Variants in ADGRG4 observed in about 807,000 individuals in gnomAD.
ADGRG4 encodes the protein adhesion G protein-coupled receptor G4.
A neutral mutation model predicts 126.2 loss-of-function variants in ADGRG4; 122 were observed. That is an observed-to-expected ratio of 0.97 (90% CI 0.83 to 1.12). The LOEUF is 1.12. Among genes scored for constraint, ADGRG4 ranks in the 50% most tolerant of loss-of-function variants. The probability of loss-of-function intolerance (pLI) is 0.00; values close to 1 mark genes in which losing one functional copy is unlikely to be tolerated. For missense variants in ADGRG4, 2,481 were observed against 2,251.8 expected (o/e 1.10, Z -2.06); for synonymous variants, 943 against 838.7 (o/e 1.12, Z -2.15).
Position 136,345,948 on chromosome X carries a change from A to G in ADGRG4, c.2242A>G (p.Ile748Val). 2 of 1,210,552 alleles carry G rather than the reference A, an allele frequency of 1.7e-6. No homozygotes were observed. The highest frequency in any genetic ancestry group is 1.7e-5 in the African/African-American group (1 of 57,725). The change falls in exon 6 of 26, where the codon ATA becomes GTA. Residue 748 changes from isoleucine to valine, a missense_variant. Transcript: ENST00000394143. The stretch of plus-strand genomic sequence containing the variant: ...CTCCATAGTTTCTGGAACCACATCC[A>G]TAACCAATATGCCTGAATTTAAACT... ...NFSIVSGTTS[I>V]TNMPEFKLTT...
chrX:136,321,125 G>T (rs1004785909), intron 4 of ADGRG4, among the ~76,000 whole-genome samples: 2 of 111,692 alleles, frequency 1.8e-5, no homozygotes, highest in African/African-American at 6.5e-5. Context: ...TGAGACTTGG[G>T]TTTCATATCA....
chrX:136,351,233 T>A (rs772454176), intron 6 of ADGRG4, among the ~76,000 whole-genome samples: 21 of 111,494 alleles, frequency 1.9e-4, no homozygotes, highest in Non-Finnish European at 3.8e-4. Flanking sequence ...AGTGCCCAAA[T>A]AAAGCAAAAC....
At chrX:136,403,723 A>C (rs1238699298) in intron 22 of ADGRG4, among the ~76,000 whole-genome samples, 1 of 112,343 alleles carries the variant, frequency 8.9e-6, no homozygotes, top group Admixed American at 9.4e-5. Context: ...GGAAATTCTG[A>C]GATGATTTGG....
intron 4 of ADGRG4, among the ~76,000 whole-genome samples, chrX:136,313,254 C>T (rs778189086): frequency 1.8e-5 from 2 of 112,102 alleles, no homozygotes; most frequent in Non-Finnish European, 3.8e-5. Flanking sequence ...GAAGCTGCAT[C>T]ATTTTACATC....
rs1199917387 is a variant in ADGRG4, at chrX:136,306,144, A to T, written c.-10+1121A>T. ...CTGGTCATTTGAGGGTGGGAAGTTA[A>T]AAGAGTCCAGTTCTCAGGTAAGTGT... On this transcript the variant is annotated intron_variant, in intron 3 of 25. Transcript: ENST00000394143. 2 of 111,317 alleles carry T rather than the reference A, an allele frequency of 1.8e-5. 1 individual carries two copies. Among genetic ancestry groups the T allele is most frequent in the African/African-American group, 6.5e-5 (2 of 30,620 alleles). The allele number at this position is 111,317 out of a possible 1,213,427, so 9.2% of individuals were successfully genotyped here.
intron 15 of ADGRG4, among the ~76,000 whole-genome samples, chrX:136,383,135 G>A (rs2075272641): frequency 8.9e-6 from 1 of 111,983 alleles, no homozygotes; most frequent in African/African-American, 3.3e-5. Context: ...CAAAAAAAAT[G>A]TGCATTCTAC....
At chrX:136,392,399 T>A in intron 17 of ADGRG4, 45 bp downstream of exon 17, 1 of 1,050,889 alleles carries the variant, frequency 9.5e-7, no homozygotes, top group Non-Finnish European at 1.3e-6. Context: ...CCTCAGGAAC[T>A]CTTCACGACT....
chrX:136,349,216 T>C lies in ADGRG4; in HGVS notation c.5510T>C (p.Val1837Ala). 2.5e-6 allele frequency: 3 copies of C among 1,206,223 alleles called. No homozygotes were observed. Among genetic ancestry groups the C allele is most frequent in the Non-Finnish European group, 2.2e-6 (2 of 891,269 alleles). Residue 1837 changes from valine to alanine, a missense_variant, in exon 6 of 26, where the codon GTT (valine) becomes GCT (alanine). Coordinates refer to ENST00000394143, the MANE Select transcript of ADGRG4 (RefSeq NM_153834.4). Reference sequence around the variant, plus strand: ...ACTCTACCCTCTTTGACATCATTTGTTTATTCACCTCATAGTACTGAAGCT... The same window carrying C: ...ACTCTACCCTCTTTGACATCATTTGCTTATTCACCTCATAGTACTGAAGCT... ...SATLPSLTSF[V>A]YSPHSTEAEI... is the part of the protein sequence containing the mutation.
chrX:136,399,314 T>A (rs898752143), intron 20 of ADGRG4, among the ~76,000 whole-genome samples: 2 of 112,404 alleles, frequency 1.8e-5, no homozygotes, highest in Non-Finnish European at 3.8e-5. Context: ...AAAATTTAAA[T>A]CAATAAATAT....
At chrX:136,331,544 A>G (rs76014435) in intron 5 of ADGRG4, among the ~76,000 whole-genome samples, 15 of 112,548 alleles carry the variant, frequency 1.3e-4, no homozygotes, top group African/African-American at 4.8e-4. Flanking sequence ...CCAGCAATGT[A>G]TAAGGGATCT....
At chrX:136,323,663 C>T (rs1269550570) in intron 5 of ADGRG4, among the ~76,000 whole-genome samples, 2 of 109,466 alleles carry the variant, frequency 1.8e-5, no homozygotes, top group Non-Finnish European at 3.8e-5. Flanking sequence ...AGGCATAATT[C>T]TTTGCTACCC....
intron 3 of ADGRG4, among the ~76,000 whole-genome samples, chrX:136,305,616 G>A (rs148918463): frequency 0.034 from 3,834 of 112,309 alleles, 78 homozygotes; most frequent in Non-Finnish European, 0.054. Flanking sequence ...TAAATGTCCA[G>A]TGAGGGTAAA....
intron 24 of ADGRG4, 120 bp downstream of exon 24, chrX:136,412,486 A>T: frequency 2.0e-6 from 1 of 491,243 alleles, no homozygotes; most frequent in Non-Finnish European, 3.6e-6. Context: ...GGCTGTTTCC[A>T]TGTCATAAAA....
chrX:136,354,221 C>A (rs1307016905), intron 8 of ADGRG4, among the ~76,000 whole-genome samples: 1 of 111,570 alleles, frequency 9.0e-6, no homozygotes, highest in Non-Finnish European at 1.9e-5. Flanking sequence ...AGGTTATTGT[C>A]TTAGTCAGTT....
chrX:136,398,654 C>T (rs751132707), intron 20 of ADGRG4, among the ~76,000 whole-genome samples: 18 of 112,317 alleles, frequency 1.6e-4, no homozygotes, highest in African/African-American at 4.2e-4. Context: ...TGTGGAACAA[C>T]TGGAACTCAT....
intron 1 of ADGRG4, among the ~76,000 whole-genome samples, chrX:136,301,642 A>G (rs1203999491): frequency 8.9e-6 from 1 of 112,027 alleles, no homozygotes; most frequent in African/African-American, 3.2e-5. Context: ...TGTTTTAGAC[A>G]TGAAGTCCTT....
In ADGRG4 at chrX:136,387,892, G is replaced by A; in HGVS notation, c.7911+18G>A. The A allele has an allele frequency of 8.4e-7, 1 of 1,189,510 alleles. No homozygotes were observed. The highest frequency in any genetic ancestry group is 1.1e-6 in the Non-Finnish European group (1 of 879,333). On this transcript the variant is annotated intron_variant, in intron 16 of 25. Coordinates refer to ENST00000394143, the MANE Select transcript of ADGRG4 (RefSeq NM_153834.4). ...TCTTTAAGGTAAATTCTTGCCTGTGGTAACTGTGATGAACTGGCATATGGT... is the reference window on the plus strand; with the variant it reads ...TCTTTAAGGTAAATTCTTGCCTGTGATAACTGTGATGAACTGGCATATGGT...
chrX:136,358,517 T>C (rs1014292564), intron 10 of ADGRG4, among the ~76,000 whole-genome samples: 1 of 112,407 alleles, frequency 8.9e-6, no homozygotes, highest in African/African-American at 3.2e-5. Context: ...TAAGTTTTTG[T>C]ATCTGAAATG....
rs748456420 is a variant in ADGRG4, at chrX:136,351,510, C to A, written c.6791C>A (p.Thr2264Asn). ...VFVEEPRIPI[T>N]SVINEFTENS... ...GTTGAAGAGCCAAGGATCCCTATTACCAGTGTTATAAATGAATTTACGGAA... is the reference window on the plus strand; with the variant it reads ...GTTGAAGAGCCAAGGATCCCTATTAACAGTGTTATAAATGAATTTACGGAA... The change falls in exon 7 of 26, where the codon ACC becomes AAC. Residue 2264 changes from threonine to asparagine, a missense_variant. Thr to Asn is a moderately conservative substitution (Grantham distance 65). Transcript: ENST00000394143. 1.1e-5 allele frequency: 12 copies of A among 1,141,259 alleles called. No homozygotes were observed. Among genetic ancestry groups the A allele is most frequent in the African/African-American group, 3.6e-5 (2 of 54,919 alleles). The allele number at this position is 1,141,259 out of a possible 1,213,427, so 94.1% of individuals were successfully genotyped here. A position where few individuals can be genotyped will look rare whatever the true frequency, so the allele number is the denominator to read the frequency against.
Sources: allele counts gnomAD v4.1 joint callset (sites outside exome capture counted in the v4.1 genomes callset), GRCh38; gene constraint gnomAD v4.1.1; transcripts MANE v1.5; gene names NCBI Gene and HGNC (gene_info 2026-07-23, HGNC 2026-07-21).